KIAA0232: variants seen among roughly 807,000 people sequenced by gnomAD.
KIAA0232 encodes the protein KIAA0232.
A neutral mutation model predicts 122.0 loss-of-function variants in KIAA0232; 27 were observed. The observed-to-expected ratio is 0.22, with a 90% CI of 0.16 to 0.31. The LOEUF (loss-of-function observed/expected upper bound fraction) is 0.31, where lower values mean the gene tolerates loss of function less well. Ranked by LOEUF, KIAA0232 falls within the 10% of genes least tolerant of loss-of-function variation. KIAA0232 has a pLI of 1.00. For missense variants in KIAA0232, 1,551 were observed against 1,634.2 expected (o/e 0.95, Z 0.88); for synonymous variants, 613 against 587.6 (o/e 1.04, Z -0.63).
Position 6,861,113 on chromosome 4 carries a change from A to G in KIAA0232, c.731A>G (p.His244Arg). The G allele has an allele frequency of 1.2e-6, 2 of 1,614,200 alleles. No homozygotes were observed. Among genetic ancestry groups the G allele is most frequent in the Non-Finnish European group, 1.7e-6 (2 of 1,180,030 alleles). ...ERSSEVPTTV[H>R]EKTQSKSKNE... ...AGCAGTGAAGTACCCACCACTGTGC[A>G]TGAGAAAACCCAGAGCAAAAGCAAA... Residue 244 changes from histidine to arginine, a missense_variant, in exon 7 of 10, where the codon CAT (histidine) becomes CGT (arginine). His to Arg is a conservative substitution (Grantham distance 29). Transcript: ENST00000307659.
intron 1 of KIAA0232, among the ~76,000 whole-genome samples, chr4:6,796,733 T>C (rs1717150537): frequency 6.6e-6 from 1 of 152,242 alleles, no homozygotes; most frequent in Non-Finnish European, 1.5e-5. Context: ...CTTGTAATCT[T>C]CACTTAGTAA....
At chr4:6,843,925 A>ATTTTTTT (rs1491055750) in intron 4 of KIAA0232, among the ~76,000 whole-genome samples, 1 of 71,146 alleles carries the variant, frequency 1.4e-5, no homozygotes, top group African/African-American at 5.5e-5. Flanking sequence ...TGAGTTACCC[A>ATTTTTTT]TCTTTTTTTT....
In KIAA0232 at chr4:6,864,058, T is replaced by C; in HGVS notation, c.3676T>C (p.Ser1226Pro). 1.2e-6 allele frequency: 2 copies of C among 1,614,146 alleles called. No individual in the cohort carries two copies. Among genetic ancestry groups the C allele is most frequent in the Non-Finnish European group, 1.7e-6 (2 of 1,180,024 alleles). Residue 1226 changes from serine to proline, a missense_variant, in exon 7 of 10, where the codon TCA (serine) becomes CCA (proline). By Grantham distance (74) the Ser-to-Pro change is moderately conservative (BLOSUM62 -1). Coordinates refer to ENST00000307659, the MANE Select transcript of KIAA0232 (RefSeq NM_014743.3). Reference sequence around the variant, plus strand: ...ATCCCTGGAAATAGATTTAGAAAGCTCAGAAGCAAATTGTAAAATAATGGC... The same window carrying C: ...ATCCCTGGAAATAGATTTAGAAAGCCCAGAAGCAAATTGTAAAATAATGGC... ...NESLEIDLES[S>P]EANCKIMAQC...
intron 3 of KIAA0232, among the ~76,000 whole-genome samples, chr4:6,834,542 C>T (rs1041213970): frequency 1.3e-5 from 2 of 152,168 alleles, no homozygotes; most frequent in Non-Finnish European, 1.5e-5. Context: ...CCAACATTTA[C>T]CCTAACAATC....
intron 3 of KIAA0232, 56 bp from the exon 4 acceptor site, chr4:6,842,011 A>AC (rs1719689670): frequency 3.7e-6 from 6 of 1,600,818 alleles, no homozygotes; most frequent in Middle Eastern, 1.7e-4. Context: ...GGTAGGTGGA[A>AC]CATAGTAGTG....
At chr4:6,820,206 A>G (rs1193694144) in intron 2 of KIAA0232, among the ~76,000 whole-genome samples, 2 of 152,166 alleles carry the variant, frequency 1.3e-5, no homozygotes, top group African/African-American at 2.4e-5. Flanking sequence ...GCATCATGCA[A>G]CATACCCAGG....
In KIAA0232 at chr4:6,782,820, CG is replaced by C. The variant is rs1303294296; in HGVS notation, c.-374del. 1 of 148,536 alleles carries C rather than the reference CG, an allele frequency of 6.7e-6. No individual in the cohort carries two copies. Among genetic ancestry groups the C allele is most frequent in the Non-Finnish European group, 1.5e-5 (1 of 66,610 alleles). The allele number at this position is 148,536 out of a possible 1,614,324, so 9.2% of individuals were successfully genotyped here. On this transcript the variant is annotated 5_prime_UTR_variant, in exon 1 of 10. Coordinates refer to ENST00000307659, the MANE Select transcript of KIAA0232 (RefSeq NM_014743.3). ...GGAGAGGCGCCCCCGCCGGCCGCCGCGCCGCCCGGCAGCCTCGGCAGGTACT... is the reference window on the plus strand; with the variant it reads ...GGAGAGGCGCCCCCGCCGGCCGCCGCCCGCCCGGCAGCCTCGGCAGGTACT...
chr4:6,787,835 C>T (rs1026496679), intron 1 of KIAA0232, among the ~76,000 whole-genome samples: 1 of 152,192 alleles, frequency 6.6e-6, no homozygotes, highest in Non-Finnish European at 1.5e-5. Context: ...CAACATTTCC[C>T]TCTATTCCAT....
intron 4 of KIAA0232, among the ~76,000 whole-genome samples, chr4:6,854,391 C>G (rs1427588093): frequency 6.6e-6 from 1 of 152,144 alleles, no homozygotes; most frequent in African/African-American, 2.4e-5. Context: ...GCCCCAAACC[C>G]AAATACATTC....
rs143299535 is a variant in KIAA0232 at position 6,802,201 on chromosome 4, C to G, written c.-353-2322C>G. On this transcript the variant is annotated intron_variant, in intron 1 of 9. Transcript: ENST00000307659. ...CAATTATAGCATAGCCTTGGCCAAC[C>G]CCATTAGAATAGCCCGTGGGAGCTG... Among the ~76,000 whole-genome samples, 523 of 152,302 alleles carry G rather than the reference C, an allele frequency of 3.4e-3. 3 individuals are homozygous for G. Among genetic ancestry groups the G allele is most frequent in the African/African-American group, 0.011 (474 of 41,566 alleles).
At chr4:6,837,852 G>A (rs75214708) in intron 3 of KIAA0232, among the ~76,000 whole-genome samples, 129 of 152,232 alleles carry the variant, frequency 8.5e-4, no homozygotes, top group African/African-American at 2.9e-3. Flanking sequence ...GCAGTGAGCC[G>A]AGATGGCGGC....
chr4:6,800,347 C>T (rs572322472), intron 1 of KIAA0232, among the ~76,000 whole-genome samples: 2 of 149,252 alleles, frequency 1.3e-5, no homozygotes, highest in African/African-American at 2.5e-5. Context: ...CCTGGACTTA[C>T]GTATGCTCTA....
chr4:6,866,232 A>T (rs1577412610), intron 7 of KIAA0232: 4 of 983,972 alleles, frequency 4.1e-6, no homozygotes, highest in Non-Finnish European at 4.8e-6. Context: ...AAGATTCTAC[A>T]TCATACCACT....
chr4:6,863,907 C>T lies in KIAA0232; in HGVS notation c.3525C>T (p.Phe1175=). The T allele has an allele frequency of 6.2e-7, 1 of 1,614,018 alleles. No homozygotes were observed. The highest frequency in any genetic ancestry group is 8.5e-7 in the Non-Finnish European group (1 of 1,180,006). Residue 1175 remains phenylalanine, a synonymous_variant, in exon 7 of 10, where the codon TTC becomes TTT. Transcript: ENST00000307659. ...AATCAGAGCTTGAGTCTGGAAAATT[C>T]CTTCCCAGGTTAAAAAAATCTGGGA... The part of the protein sequence containing the change: ...YGKSELESGK[F]LPRLKKSGME...
At chr4:6,820,940 G>C (rs1180220390) in intron 2 of KIAA0232, among the ~76,000 whole-genome samples, 2 of 152,162 alleles carry the variant, frequency 1.3e-5, no homozygotes, top group African/African-American at 2.4e-5. Context: ...TGATGGGGAG[G>C]GTAAGAGGAG....
At chr4:6,795,423 G>A (rs1367380273) in intron 1 of KIAA0232, among the ~76,000 whole-genome samples, 2 of 152,140 alleles carry the variant, frequency 1.3e-5, no homozygotes, top group Non-Finnish European at 2.9e-5. Context: ...GAGATGCGCT[G>A]TGTCAATTAT....
At chr4:6,783,812 G>A (rs898128583) in intron 1 of KIAA0232, among the ~76,000 whole-genome samples, 1 of 152,178 alleles carries the variant, frequency 6.6e-6, no homozygotes, top group African/African-American at 2.4e-5. Context: ...ACCCTGTCGC[G>A]AGGGCGCCCC....
intron 4 of KIAA0232, among the ~76,000 whole-genome samples, chr4:6,853,643 C>T (rs892126812): frequency 1.3e-5 from 2 of 152,132 alleles, no homozygotes; most frequent in African/African-American, 2.4e-5. Flanking sequence ...CTAAATGAAC[C>T]CTCCATAAAA....
chr4:6,801,201 T>C (rs1284739670), intron 1 of KIAA0232, among the ~76,000 whole-genome samples: 1 of 152,230 alleles, frequency 6.6e-6, no homozygotes, highest in Non-Finnish European at 1.5e-5. Flanking sequence ...CATGGGGCTA[T>C]TAACACTGGA....
Sources: allele counts gnomAD v4.1 joint callset (sites outside exome capture counted in the v4.1 genomes callset), GRCh38; gene constraint gnomAD v4.1.1; transcripts MANE v1.5; gene names NCBI Gene and HGNC (gene_info 2026-07-23, HGNC 2026-07-21).